ROBO2: variants seen among roughly 807,000 people sequenced by gnomAD.
ROBO2 encodes the protein roundabout guidance receptor 2, also known as roundabout homolog 2.
In ROBO2, 53 loss-of-function variants were observed where a neutral mutation model predicts 160.8. The observed-to-expected ratio is 0.33, with a 90% confidence interval of 0.26 to 0.41. The LOEUF (loss-of-function observed/expected upper bound fraction) is 0.41, where lower values mean the gene tolerates loss of function less well. Among genes scored for constraint, ROBO2 ranks in the 10% least tolerant of loss-of-function variants. ROBO2 has a pLI of 1.00. For missense variants in ROBO2, 1,577 were observed against 1,722.4 expected (o/e 0.92, Z 1.49); for synonymous variants, 664 against 611.7 (o/e 1.09, Z -1.26).
chr3:76,316,881 C>T (rs2072077529), intron 2 of ROBO2, among the ~76,000 whole-genome samples: 1 of 152,184 alleles, frequency 6.6e-6, no homozygotes, highest in Non-Finnish European at 1.5e-5. Context: ...CCCTGACTTC[C>T]TGCAACAACT....
chr3:77,198,688 G>T (rs371584158), intron 2 of ROBO2, among the ~76,000 whole-genome samples: 2 of 152,132 alleles, frequency 1.3e-5, no homozygotes, highest in East Asian at 1.9e-4. Context: ...ATCATCTGAG[G>T]TCAGGAATTC....
intron 2 of ROBO2, among the ~76,000 whole-genome samples, chr3:76,715,001 C>T (rs2093356829): frequency 6.6e-6 from 1 of 152,062 alleles, no homozygotes; most frequent in Admixed American, 6.5e-5. Context: ...CATTTTGATA[C>T]CAGCCTAGAA....
intron 2 of ROBO2, among the ~76,000 whole-genome samples, chr3:76,163,752 T>C (rs1286897962): frequency 1.6e-5 from 1 of 64,100 alleles, no homozygotes; most frequent in African/African-American, 3.2e-5. Flanking sequence ...CCATAATTAG[T>C]TTTTTTTTTG....
chr3:76,873,936 C>G (rs1231922629), intron 2 of ROBO2, among the ~76,000 whole-genome samples: 1 of 151,788 alleles, frequency 6.6e-6, no homozygotes, highest in Non-Finnish European at 1.5e-5. Flanking sequence ...GATTATTGAC[C>G]CCTGTGGCCT....
intron 2 of ROBO2, among the ~76,000 whole-genome samples, chr3:76,530,137 A>G (rs2082147955): frequency 6.6e-6 from 1 of 152,258 alleles, no homozygotes; most frequent in South Asian, 2.1e-4. Flanking sequence ...CTGCATGTCT[A>G]CCTTACTTTG....
chr3:76,128,266 C>T (rs1428643356), intron 2 of ROBO2, among the ~76,000 whole-genome samples: 1 of 151,952 alleles, frequency 6.6e-6, no homozygotes, highest in African/African-American at 2.4e-5. Flanking sequence ...CAGTTATGGG[C>T]CCTGTATTTG....
chr3:77,381,261 G>A (rs1413051548), intron 2 of ROBO2, among the ~76,000 whole-genome samples: 1 of 152,136 alleles, frequency 6.6e-6, no homozygotes, highest in Non-Finnish European at 1.5e-5. Flanking sequence ...GTTGCAATGA[G>A]CCGAGATCAC....
chr3:77,460,097 CTG>C (rs1159041843), intron 2 of ROBO2, among the ~76,000 whole-genome samples: 1 of 151,986 alleles, frequency 6.6e-6, no homozygotes, highest in Non-Finnish European at 1.5e-5. Flanking sequence ...GCTGTGTACT[CTG>C]AGAGATGTTG....
chr3:77,376,556 G>A (rs1234860466), intron 2 of ROBO2, among the ~76,000 whole-genome samples: 1 of 152,034 alleles, frequency 6.6e-6, no homozygotes, highest in Admixed American at 6.6e-5. Context: ...AGAAGTTTAG[G>A]TGCTCAGTTC....
chr3:76,624,752 C>T (rs1011475764), intron 2 of ROBO2, among the ~76,000 whole-genome samples: 1 of 115,818 alleles, frequency 8.6e-6, no homozygotes, highest in Non-Finnish European at 1.6e-5. Flanking sequence ...GAACTGAGAT[C>T]GCGCTATTCT....
intron 2 of ROBO2, among the ~76,000 whole-genome samples, chr3:76,377,425 CA>C (rs2076400875): frequency 6.6e-6 from 1 of 151,990 alleles, no homozygotes; most frequent in South Asian, 2.1e-4. Context: ...GCTTTCTGTG[CA>C]AGAGTCCTGC....
intron 2 of ROBO2, among the ~76,000 whole-genome samples, chr3:77,327,371 T>A (rs973586146): frequency 6.6e-6 from 1 of 152,182 alleles, no homozygotes; most frequent in African/African-American, 2.4e-5. Flanking sequence ...GTCTGTATCT[T>A]CTGGGAGTAG....
chr3:76,617,700 C>A (rs1197112795), intron 2 of ROBO2, among the ~76,000 whole-genome samples: 3 of 152,008 alleles, frequency 2.0e-5, no homozygotes, highest in African/African-American at 7.3e-5. Flanking sequence ...CTATAGACCA[C>A]CTGTATTAGT....
intron 2 of ROBO2, among the ~76,000 whole-genome samples, chr3:76,767,177 A>G (rs1451422282): frequency 1.3e-5 from 2 of 151,580 alleles, no homozygotes; most frequent in Non-Finnish European, 3.0e-5. Flanking sequence ...ATCAACGGCT[A>G]CTACAAAAGC....
rs74793150 is a variant in ROBO2, at chr3:76,114,068, A to C, written c.109+176466A>C. 4.3e-3 allele frequency among the ~76,000 whole-genome samples: 656 copies of C among 152,294 alleles called. 11 individuals are homozygous for C. The highest frequency in any genetic ancestry group is 0.027 in the Admixed American group (411 of 15,288). ...AACCTGAAGAACCATGAACAAAATA[A>C]AGCTCCTTTCCTTTTAAATTATCTA... On this transcript the variant is annotated intron_variant, in intron 2 of 26. Transcript: ENST00000487694.
chr3:76,752,344 C>T (rs897414388), intron 2 of ROBO2, among the ~76,000 whole-genome samples: 3 of 150,942 alleles, frequency 2.0e-5, no homozygotes, highest in East Asian at 2.0e-4. Context: ...TGTTAAATGA[C>T]GAGTTAGTGG....
intron 2 of ROBO2, among the ~76,000 whole-genome samples, chr3:76,446,644 T>C (rs1282520948): frequency 2.0e-5 from 3 of 152,098 alleles, no homozygotes; most frequent in Non-Finnish European, 4.4e-5. Context: ...CAAACTATAC[T>C]ACAAGGCTGC....
At chr3:76,152,411 A>C (rs1163240988) in intron 2 of ROBO2, among the ~76,000 whole-genome samples, 1 of 152,180 alleles carries the variant, frequency 6.6e-6, no homozygotes, top group Non-Finnish European at 1.5e-5. Flanking sequence ...TATATAGAAC[A>C]CAACATTAAA....
rs577370132 is a variant in ROBO2, at chr3:76,080,038, T to C, written c.109+142436T>C. 2.6e-5 allele frequency among the ~76,000 whole-genome samples: 4 copies of C among 152,290 alleles called. No individual in the cohort carries two copies. In the South Asian group the frequency reaches 8.3e-4, roughly 32 times the overall value. On this transcript the variant is annotated intron_variant, in intron 2 of 26. Transcript: ENST00000487694. ...CCTTCACATAGATACAATATTTAAA[T>C]GCTTTTCCCTTTTGTGTAGAAACAT...
Sources: gnomAD v4.1 joint callset for allele counts (sites outside exome capture counted in the v4.1 genomes callset) on GRCh38, gnomAD v4.1.1 for gene constraint, MANE v1.5 for transcripts, NCBI Gene and HGNC (gene_info 2026-07-23, HGNC 2026-07-21) for gene names.